VSIG10L2: variants seen among roughly 807,000 people sequenced by gnomAD.
VSIG10L2 encodes V-set and immunoglobulin domain containing 10 like 2, also known as V-set and immunoglobulin domain-containing protein 10-like 2.
A neutral mutation model predicts 67.1 loss-of-function variants in VSIG10L2; 56 were observed. The observed-to-expected ratio is 0.83, with a 90% CI of 0.67 to 1.04. VSIG10L2 has a LOEUF of 1.04. Ranked by LOEUF, VSIG10L2 falls within the 50% of genes least tolerant of loss-of-function variation. VSIG10L2 has a pLI of 0.00. For missense variants in VSIG10L2, 843 were observed against 932.8 expected (o/e 0.90, Z 1.25); for synonymous variants, 360 against 396.6 (o/e 0.91, Z 1.10).
At position 125,951,050 on chromosome 11, in the gene VSIG10L2, A is replaced by T. The variant is rs747257516; in HGVS notation, c.1126A>T (p.Asn376Tyr). 2 of 1,232,424 alleles carry T rather than the reference A, an allele frequency of 1.6e-6. No homozygotes were observed. Among genetic ancestry groups the T allele is most frequent in the Non-Finnish European group, 2.0e-6 (2 of 988,210 alleles). 76.3% of individuals were successfully genotyped at this position (1,232,424 alleles called of 1,614,324 possible). A position where few individuals can be genotyped will look rare whatever the true frequency, so the allele number is the denominator to read the frequency against. Residue 376 changes from asparagine to tyrosine, a missense_variant, in exon 5 of 12, where the codon AAC (asparagine) becomes TAC (tyrosine). Physicochemically the swap from Asn to Tyr is moderately radical, Grantham distance 143 (BLOSUM62 -2). This residue lies in a region of VSIG10L2 where 446 missense variants were observed against 548.4 expected (regional missense o/e 0.81). Coordinates refer to ENST00000686984, the MANE Select transcript of VSIG10L2 (RefSeq NM_001365077.2). ...PQGPGPTAPS[N>Y]VTWSHAAAQL... Reference sequence around the variant, plus strand: ...GGGACCTGGCCCTACTGCCCCCAGCAACGTCACCTGGAGTCACGCAGCCGC... The same window carrying T: ...GGGACCTGGCCCTACTGCCCCCAGCTACGTCACCTGGAGTCACGCAGCCGC...
chr11:125,954,845 A>G (rs1261233856), intron 8 of VSIG10L2, among the ~76,000 whole-genome samples: 1 of 152,140 alleles, frequency 6.6e-6, no homozygotes, highest in African/African-American at 2.4e-5. Context: ...ATTTGGCAGG[A>G]GAGTCAAACC....
intron 3 of VSIG10L2, 39 bp from the exon 4 acceptor site, chr11:125,949,975 G>A: frequency 8.1e-7 from 1 of 1,232,258 alleles, no homozygotes; most frequent in African/African-American, 1.5e-5. Flanking sequence ...ATGAAGGAAT[G>A]AAGCTGGGGA....
rs573689856 is a variant in VSIG10L2, at chr11:125,955,058, G to A, written c.2085G>A (p.Ala695=). ...AGHPSEVKIP[A]DPPFSAYPAV... is the part of the protein sequence containing the mutation. ...GGAACCTGTGCTCTCCCCTCCTAGC[G>A]GACCCCCCCTTCAGCGCCTACCCAG... Residue 695 remains alanine (A), a splice_region_variant and synonymous_variant, in exon 9 of 12, where the codon GCG becomes GCA. Transcript: ENST00000686984. 43 of 1,234,706 alleles carry A rather than the reference G, an allele frequency of 3.5e-5. No individual in the cohort carries two copies. The highest frequency in any genetic ancestry group is 4.6e-5 in the African/African-American group (3 of 64,556). The allele number at this position is 1,234,706 out of a possible 1,614,324, so 76.5% of individuals were successfully genotyped here. A position where few individuals can be genotyped will look rare whatever the true frequency, so the allele number is the denominator to read the frequency against.
chr11:125,954,814 C>T (rs892148022), intron 8 of VSIG10L2, among the ~76,000 whole-genome samples: 4 of 152,214 alleles, frequency 2.6e-5, no homozygotes, highest in Non-Finnish European at 5.9e-5. Flanking sequence ...AACCTTTTGT[C>T]TTCTGCACCA....
intron 4 of VSIG10L2, 138 bp downstream of exon 4, chr11:125,950,427 C>G: frequency 1.1e-6 from 1 of 922,586 alleles, no homozygotes; most frequent in Non-Finnish European, 1.4e-6. Context: ...GGAGGGAGGT[C>G]TCCAACCAAG....
intron 3 of VSIG10L2, 88 bp downstream of exon 3, chr11:125,948,668 A>C: frequency 8.3e-7 from 1 of 1,199,212 alleles, no homozygotes; most frequent in Non-Finnish European, 1.0e-6. Context: ...AACTCCCCAA[A>C]TCCCTCCACT....
At chr11:125,949,553 T>C (rs887185123) in intron 3 of VSIG10L2, among the ~76,000 whole-genome samples, 3 of 152,152 alleles carry the variant, frequency 2.0e-5, no homozygotes, top group Non-Finnish European at 1.5e-5. Context: ...GCTTCGAAGA[T>C]GGTGACCCTG....
At chr11:125,950,852 G>A (rs1268709749) in intron 4 of VSIG10L2, 58 bp from the exon 5 acceptor site, 1 of 1,232,002 alleles carries the variant, frequency 8.1e-7, no homozygotes. Context: ...CCTGGGCCTG[G>A]GGGCTGCAGG....
chr11:125,950,257 G>T lies in VSIG10L2; in HGVS notation c.953G>T (p.Arg318Leu). 8.1e-7 allele frequency: 1 copy of T among 1,232,434 alleles called. No individual in the cohort carries two copies. Among genetic ancestry groups the T allele is most frequent in the Non-Finnish European group, 1.0e-6 (1 of 988,200 alleles). The allele number at this position is 1,232,434 out of a possible 1,614,324, so 76.3% of individuals were successfully genotyped here. A position where few individuals can be genotyped will look rare whatever the true frequency, so the allele number is the denominator to read the frequency against. Reference sequence around the variant, plus strand: ...GCCCGCAACAGCTACCTGGACACCCGCACCCAGACTACTGTCCAGCTCACC... The same window carrying T: ...GCCCGCAACAGCTACCTGGACACCCTCACCCAGACTACTGTCCAGCTCACC... ...CLARNSYLDTRTQTTVQLTIY... is the reference protein window; with the variant it reads ...CLARNSYLDTLTQTTVQLTIY... Residue 318 changes from arginine (R) to leucine (L), a missense_variant, in exon 4 of 12, where the codon CGC (arginine) becomes CTC (leucine). Physicochemically the swap from Arg to Leu is moderately radical, Grantham distance 102. Around this residue, in one of 2 missense-constraint regions of VSIG10L2, gnomAD observed 446 missense variants for 548.4 expected, o/e 0.81. Transcript: ENST00000686984.
At chr11:125,952,925 G>A (rs964854328) in intron 6 of VSIG10L2, among the ~76,000 whole-genome samples, 5 of 152,080 alleles carry the variant, frequency 3.3e-5, no homozygotes, top group Admixed American at 6.5e-5. Context: ...CCTATTACTT[G>A]GTCTCAGGAC....
At chr11:125,951,788 C>T in intron 5 of VSIG10L2, 25 bp from the exon 6 acceptor site, 1 of 1,473,970 alleles carries the variant, frequency 6.8e-7, no homozygotes, top group Non-Finnish European at 9.0e-7. Flanking sequence ...TCCACAGGGC[C>T]ATACTGAGCC....
At chr11:125,951,751 G>C (rs538195321) in intron 5 of VSIG10L2, 62 bp from the exon 6 acceptor site, 1 of 1,420,080 alleles carries the variant, frequency 7.0e-7, no homozygotes, top group East Asian at 2.5e-5. Flanking sequence ...AAGGGGGATA[G>C]GGTGGAACTG....
At position 125,947,668 on chromosome 11, in the gene VSIG10L2, T is replaced by C; in HGVS notation, c.83-18T>C. ...CCAGAGCAGCCCAGAAGTCCTGCTA[T>C]GCCCCTTCTCTCCCCAGGCCAGCCC... On this transcript the variant is annotated intron_variant, in intron 1 of 11. Coordinates refer to ENST00000686984, the MANE Select transcript of VSIG10L2 (RefSeq NM_001365077.2). The C allele has an allele frequency of 8.1e-7, 1 of 1,232,454 alleles. No homozygotes were observed. Among genetic ancestry groups the C allele is most frequent in the Non-Finnish European group, 1.0e-6 (1 of 988,288 alleles). The allele number at this position is 1,232,454 out of a possible 1,614,324, so 76.3% of individuals were successfully genotyped here.
rs962128108 is a variant in VSIG10L2, at chr11:125,955,907, C to T, written c.2375C>T (p.Thr792Ile). ...PVNVTITVTA[T>I]P ...AATGTCACCATCACAGTGACTGCAACACCATAAGGCCCAAAGAGGAAGATG... is the reference window on the plus strand; with the variant it reads ...AATGTCACCATCACAGTGACTGCAATACCATAAGGCCCAAAGAGGAAGATG... The change falls in exon 12 of 12, where the codon ACA becomes ATA. Residue 792 changes from threonine (T) to isoleucine (I), a missense_variant. By Grantham distance (89) the Thr-to-Ile change is moderately conservative (BLOSUM62 -1). Coordinates refer to ENST00000686984, the MANE Select transcript of VSIG10L2 (RefSeq NM_001365077.2). 1 of 664,684 alleles carries T rather than the reference C, an allele frequency of 1.5e-6. No individual in the cohort carries two copies. Among genetic ancestry groups the T allele is most frequent in the Non-Finnish European group, 2.7e-6 (1 of 369,126 alleles). 41.2% of individuals were successfully genotyped at this position (664,684 alleles called of 1,614,324 possible).
intron 8 of VSIG10L2, 128 bp downstream of exon 8, chr11:125,954,511 A>G (rs1296544721): frequency 1.3e-6 from 1 of 747,796 alleles, no homozygotes. Flanking sequence ...TCCCATCCCC[A>G]GCCCGTCCTC....
At chr11:125,949,573 C>G (rs118117893) in intron 3 of VSIG10L2, among the ~76,000 whole-genome samples, 1 of 151,808 alleles carries the variant, frequency 6.6e-6, no homozygotes, top group South Asian at 2.1e-4. Flanking sequence ...GAGCTTGGAA[C>G]GCAGGAGAGA....
intron 8 of VSIG10L2, among the ~76,000 whole-genome samples, 164 bp from the exon 9 acceptor site, chr11:125,954,893 G>A (rs570891595): frequency 6.6e-4 from 101 of 152,326 alleles, no homozygotes; most frequent in Non-Finnish European, 1.2e-3. Flanking sequence ...CCTTCCTTGG[G>A]AGAGACCTGA....
At chr11:125,949,513 G>A (rs753506476) in intron 3 of VSIG10L2, among the ~76,000 whole-genome samples, 20 of 152,194 alleles carry the variant, frequency 1.3e-4, no homozygotes, top group Non-Finnish European at 2.9e-5. Flanking sequence ...AGTAGGCAAA[G>A]AATTCAGAAC....
At position 125,949,997 on chromosome 11, in the gene VSIG10L2, C is replaced by G. The variant is rs1389818809; in HGVS notation, c.710-17C>G. The G allele has an allele frequency of 3.7e-5, 45 of 1,232,332 alleles. No homozygotes were observed. The highest frequency in any genetic ancestry group is 4.1e-5 in the Non-Finnish European group (41 of 988,224). The allele number at this position is 1,232,332 out of a possible 1,614,324, so 76.3% of individuals were successfully genotyped here. A position where few individuals can be genotyped will look rare whatever the true frequency, so the allele number is the denominator to read the frequency against. On this transcript the variant is annotated splice_polypyrimidine_tract_variant and intron_variant, in intron 3 of 11. Coordinates refer to ENST00000686984, the MANE Select transcript of VSIG10L2 (RefSeq NM_001365077.2). ...AATGAAGCTGGGGAGGTGTAACTGG[C>G]CTTCCTTGCTCTCCAGATGGTCCTG...
Sources: allele counts gnomAD v4.1 joint callset (sites outside exome capture counted in the v4.1 genomes callset), GRCh38; gene constraint gnomAD v4.1.1; regional missense constraint gnomAD v4.1.1; transcripts MANE v1.5; gene names NCBI Gene and HGNC (gene_info 2026-07-23, HGNC 2026-07-21).